The following ERFL variants were observed in gnomAD, a reference collection of about 807,000 sequenced individuals.
ERFL encodes the protein ETS domain-containing transcription factor ERF-like.
ERFL carries 8 observed loss-of-function variants against 27.9 expected under a neutral mutation model. The observed-to-expected ratio is 0.29, with a 90% CI of 0.17 to 0.52. ERFL has a LOEUF of 0.52. Ranked by LOEUF, ERFL falls within the 20% of genes least tolerant of loss-of-function variation. ERFL has a pLI of 0.97. For synonymous variants in ERFL, 174 were observed against 202.8 expected (o/e 0.86, Z 1.21); for missense variants, 294 against 444.4 (o/e 0.66, Z 3.04).
intron 2 of ERFL, among the ~76,000 whole-genome samples, chr19:41,911,347 T>G (rs1336417403): frequency 6.6e-6 from 1 of 151,976 alleles, no homozygotes; most frequent in Admixed American, 6.5e-5. Flanking sequence ...GGCATGAAAA[T>G]AGAAGGCAGA....
In ERFL at chr19:41,921,762, C is replaced by T. The variant is rs2074843497; in HGVS notation, c.-14+6278G>A. Reference sequence around the variant, plus strand: ...GAAGGCTCAGGTGTAGGCCGGGTGGCGGGCAGACCTAAGGTGTGGATTCCT... The same window carrying T: ...GAAGGCTCAGGTGTAGGCCGGGTGGTGGGCAGACCTAAGGTGTGGATTCCT... On this transcript the variant is annotated intron_variant, in intron 1 of 5. Transcript: ENST00000597630. The surrounding 1 kb of genome is among the most constrained non-coding windows in gnomAD (Gnocchi z 4.4). Among the ~76,000 whole-genome samples the T allele has an allele frequency of 1.3e-5, 2 of 151,444 alleles. No homozygotes were observed. The highest frequency in any genetic ancestry group is 2.4e-5 in the African/African-American group (1 of 41,132).
At position 41,908,797 on chromosome 19, in the gene ERFL, C is replaced by T. The variant is rs1459283928; in HGVS notation, c.617-121G>A. 4 of 511,118 alleles carry T rather than the reference C, an allele frequency of 7.8e-6. No individual in the cohort carries two copies. The highest frequency in any genetic ancestry group is 4.0e-5 in the African/African-American group (2 of 50,242). 31.7% of individuals were successfully genotyped at this position (511,118 alleles called of 1,614,324 possible). A position where few individuals can be genotyped will look rare whatever the true frequency, so the allele number is the denominator to read the frequency against. On this transcript the variant is annotated intron_variant, in intron 5 of 5. Coordinates refer to ENST00000597630, the MANE Select transcript of ERFL (RefSeq NM_001365103.2). This position sits in a 1 kb window ranked among gnomAD's most constrained non-coding sequence, Gnocchi z 6.7. ...GCATCCCTCCTACATGGCATCTTAC[C>T]CCCTCATACAGCTTCCCCCAACTCC... is the stretch of plus-strand genomic sequence containing the variant.
At position 41,916,147 on chromosome 19, in the gene ERFL, C is replaced by A. The variant is rs1395361374; in HGVS notation, c.-13-3215G>T. ...TCCCTTCTCTCCCTGCCAAGCACAA[C>A]CACACAGACCCACACACCAACCCAG... On this transcript the variant is annotated intron_variant, in intron 1 of 5. Transcript: ENST00000597630. This position sits in a 1 kb window ranked among gnomAD's most constrained non-coding sequence, Gnocchi z 5.4. Among the ~76,000 whole-genome samples, 1 of 152,062 alleles carries A rather than the reference C, an allele frequency of 6.6e-6. No homozygotes were observed. Among genetic ancestry groups the A allele is most frequent in the African/African-American group, 2.4e-5 (1 of 41,388 alleles).
intron 1 of ERFL, among the ~76,000 whole-genome samples, chr19:41,913,974 C>A (rs1555851518): frequency 6.6e-6 from 1 of 151,222 alleles, no homozygotes; most frequent in Non-Finnish European, 1.5e-5. Flanking sequence ...CAAAAACCCA[C>A]TCCTCTTAGA....
chr19:41,915,384 C>T (rs905588400), intron 1 of ERFL, among the ~76,000 whole-genome samples: 2 of 151,684 alleles, frequency 1.3e-5, no homozygotes, highest in African/African-American at 2.4e-5. Context: ...CCCATCGCCT[C>T]TGCCGCCCTG....
At position 41,909,671 on chromosome 19, in the gene ERFL, C is replaced by T. The variant is rs1199367257; in HGVS notation, c.302+192G>A. Among the ~76,000 whole-genome samples, 5 of 152,136 alleles carry T rather than the reference C, an allele frequency of 3.3e-5. No individual in the cohort carries two copies. The highest frequency in any genetic ancestry group is 1.2e-4 in the African/African-American group (5 of 41,412). The stretch of plus-strand genomic sequence containing the variant: ...GGAGCGGGGACCCTGCCCTGCAAGA[C>T]TCCAAAGCCCAGGTTTAGGGGTCCC... On this transcript the variant is annotated intron_variant, in intron 3 of 5. Transcript: ENST00000597630. The surrounding 1 kb of genome is among the most constrained non-coding windows in gnomAD (Gnocchi z 5.2).
rs113784077 is a variant in ERFL, at chr19:41,915,404, G to A, written c.-13-2472C>T. Among the ~76,000 whole-genome samples the A allele has an allele frequency of 2.3e-3, 353 of 151,570 alleles. 1 individual carries two copies. The highest frequency in any genetic ancestry group is 6.8e-3 in the Middle Eastern group (2 of 294). The stretch of plus-strand genomic sequence containing the variant: ...CGCCTCTGCCGCCCTGTCCCCGTCC[G>A]TCTGTCCGTCCCTCCCATCTCTGGG... On this transcript the variant is annotated intron_variant, in intron 1 of 5. Coordinates refer to ENST00000597630, the MANE Select transcript of ERFL (RefSeq NM_001365103.2).
intron 1 of ERFL, among the ~76,000 whole-genome samples, chr19:41,914,306 T>A (rs1555851565): frequency 6.6e-6 from 1 of 150,634 alleles, no homozygotes; most frequent in African/African-American, 2.5e-5. Flanking sequence ...ACTTGGTCTC[T>A]TCTCCCTTCC....
At chr19:41,925,203 A>C (rs1555853134) in intron 1 of ERFL, among the ~76,000 whole-genome samples, 1 of 152,070 alleles carries the variant, frequency 6.6e-6, no homozygotes, top group South Asian at 2.1e-4. Flanking sequence ...AAATGATTTG[A>C]ATGTGTTACC....
Position 41,916,217 on chromosome 19 carries a change from C to T in ERFL, c.-13-3285G>A, listed in dbSNP as rs2074800574. ...CCACACAGCACACATCGCACAGATG[C>T]ACACACCAGCACAGCCACACACACA... is the stretch of plus-strand genomic sequence containing the variant. On this transcript the variant is annotated intron_variant, in intron 1 of 5. Transcript: ENST00000597630. This position sits in a 1 kb window ranked among gnomAD's most constrained non-coding sequence, Gnocchi z 5.4. Among the ~76,000 whole-genome samples, 1 of 151,872 alleles carries T rather than the reference C, an allele frequency of 6.6e-6. No individual in the cohort carries two copies. The highest frequency in any genetic ancestry group is 2.4e-5 in the African/African-American group (1 of 41,322).
rs560512586 is a variant in ERFL at position 41,917,612 on chromosome 19, C to T, written c.-13-4680G>A. 1.3e-5 allele frequency among the ~76,000 whole-genome samples: 2 copies of T among 152,062 alleles called. No individual in the cohort carries two copies. The highest frequency in any genetic ancestry group is 2.1e-4 in the South Asian group (1 of 4,820). On this transcript the variant is annotated intron_variant, in intron 1 of 5. Transcript: ENST00000597630. The surrounding 1 kb of genome is among the most constrained non-coding windows in gnomAD (Gnocchi z 4.8). ...CGGCCTAAGACCCTTCTGCCACCGC[C>T]GCCCCCGCATGCACACACCATGCCC...
At position 41,921,351 on chromosome 19, in the gene ERFL, G is replaced by A. The variant is rs570835761; in HGVS notation, c.-14+6689C>T. 1.1e-3 allele frequency among the ~76,000 whole-genome samples: 169 copies of A among 152,278 alleles called. No individual in the cohort carries two copies. The highest frequency in any genetic ancestry group is 1.9e-3 in the Non-Finnish European group (129 of 68,010). Reference sequence around the variant, plus strand: ...CTGAGAGGAAGCAGGAGTGAGACACGGAGGGAGATGGAGGGGGATAGGCGG... The same window carrying A: ...CTGAGAGGAAGCAGGAGTGAGACACAGAGGGAGATGGAGGGGGATAGGCGG... On this transcript the variant is annotated intron_variant, in intron 1 of 5. Transcript: ENST00000597630. This position sits in a 1 kb window ranked among gnomAD's most constrained non-coding sequence, Gnocchi z 4.4.
chr19:41,925,938 C>T (rs553399447), intron 1 of ERFL, among the ~76,000 whole-genome samples: 1 of 151,864 alleles, frequency 6.6e-6, no homozygotes, highest in South Asian at 2.1e-4. Context: ...GACAGGTTAG[C>T]AGGTTGCATG....
At chr19:41,919,096 C>CCACACATAA (rs2074822091) in intron 1 of ERFL, among the ~76,000 whole-genome samples, 1 of 151,242 alleles carries the variant, frequency 6.6e-6, no homozygotes, top group South Asian at 2.1e-4. Context: ...ACACCACATG[C>CCACACATAA]CACACATAAC....
At chr19:41,920,007 A>ACTCACAGACATGACGCG (rs1342744692) in intron 1 of ERFL, among the ~76,000 whole-genome samples, 1 of 135,754 alleles carries the variant, frequency 7.4e-6, no homozygotes, top group Middle Eastern at 3.8e-3. Context: ...GACATGACGA[A>ACTCACAGACATGACGCG]CTCACAGACA....
intron 1 of ERFL, among the ~76,000 whole-genome samples, chr19:41,915,823 T>A (rs1241512745): frequency 6.6e-6 from 1 of 152,064 alleles, no homozygotes; most frequent in Non-Finnish European, 1.5e-5. Context: ...GAGCGCGGCC[T>A]GCGGGGCCTG....
At position 41,909,327 on chromosome 19, in the gene ERFL, G is replaced by A. The variant is rs2074739599; in HGVS notation, c.447C>T (p.Pro149=). 2.4e-6 allele frequency: 3 copies of A among 1,235,710 alleles called. No individual in the cohort carries two copies. Among genetic ancestry groups the A allele is most frequent in the South Asian group, 4.1e-5 (1 of 24,546 alleles). The allele number at this position is 1,235,710 out of a possible 1,614,324, so 76.5% of individuals were successfully genotyped here. A position where few individuals can be genotyped will look rare whatever the true frequency, so the allele number is the denominator to read the frequency against. ...AATGSPLLLT[P]SPFGGAPGPD... ...GCCCTGGGGCCCCCCCAAAGGGACT[G>A]GGGGTCAGCAAGAGTGGGGAGCCAG... is the stretch of plus-strand genomic sequence containing the variant. Residue 149 remains proline, a synonymous_variant, in exon 4 of 6, where the codon CCC becomes CCT. Transcript: ENST00000597630. The surrounding 1 kb of genome is among the most constrained non-coding windows in gnomAD (Gnocchi z 5.2).
Position 41,909,272 on chromosome 19 carries a change from T to C in ERFL, c.498+4A>G. Reference sequence around the variant, plus strand: ...GGTTCCAGGACCCCAGTACCCAGACTCACCTCAGGGGTGAGGGGAGGAGCA... The same window carrying C: ...GGTTCCAGGACCCCAGTACCCAGACCCACCTCAGGGGTGAGGGGAGGAGCA... On this transcript the variant is annotated splice_donor_region_variant and intron_variant, in intron 4 of 5. Coordinates refer to ENST00000597630, the MANE Select transcript of ERFL (RefSeq NM_001365103.2). This position sits in a 1 kb window ranked among gnomAD's most constrained non-coding sequence, Gnocchi z 5.2. 8.1e-7 allele frequency: 1 copy of C among 1,232,098 alleles called. No individual in the cohort carries two copies. The highest frequency in any genetic ancestry group is 1.0e-6 in the Non-Finnish European group (1 of 988,362). The allele number at this position is 1,232,098 out of a possible 1,614,324, so 76.3% of individuals were successfully genotyped here. A position where few individuals can be genotyped will look rare whatever the true frequency, so the allele number is the denominator to read the frequency against.
Position 41,917,361 on chromosome 19 carries a change from C to A in ERFL, c.-13-4429G>T, listed in dbSNP as rs1322969698. ...GTCTCCTAACGCCCCATCACCACGC[C>A]CCCCTGGGCTGGGGTTTAACCAGTT... On this transcript the variant is annotated intron_variant, in intron 1 of 5. Coordinates refer to ENST00000597630, the MANE Select transcript of ERFL (RefSeq NM_001365103.2). The surrounding 1 kb of genome is among the most constrained non-coding windows in gnomAD (Gnocchi z 4.8). 6.6e-6 allele frequency among the ~76,000 whole-genome samples: 1 copy of A among 151,960 alleles called. No individual in the cohort carries two copies. The highest frequency in any genetic ancestry group is 6.6e-5 in the Admixed American group (1 of 15,260).
Sources: gnomAD v4.1 joint callset for allele counts (sites outside exome capture counted in the v4.1 genomes callset) on GRCh38, gnomAD v4.1.1 for gene constraint, Gnocchi (gnomAD v3.1) non-coding constraint, MANE v1.5 for transcripts, NCBI Gene and HGNC (gene_info 2026-07-23, HGNC 2026-07-21) for gene names.